Variants in SHC3 observed in about 807,000 individuals in gnomAD.
SHC3 encodes SHC adaptor protein 3, also known as SHC-transforming protein 3.
A neutral mutation model predicts 60.4 loss-of-function variants in SHC3; 15 were observed. That is an observed-to-expected ratio of 0.25 (90% CI 0.17 to 0.38). SHC3 has a LOEUF of 0.38. Ranked by LOEUF, SHC3 falls within the 10% of genes least tolerant of loss-of-function variation. The pLI, the probability that SHC3 is intolerant of heterozygous loss-of-function variation, is 1.00. For synonymous variants in SHC3, 294 were observed against 325.9 expected (o/e 0.90, Z 1.05); for missense variants, 677 against 786.1 (o/e 0.86, Z 1.66).
rs774739510 is a variant in SHC3, at chr9:89,013,461, C to T, written c.1771G>A (p.Glu591Lys). Reference protein sequence around the residue: ...GSELCLQQPVERKQ With the variant: ...GSELCLQQPVKRKQ ...TGCTGGCCAGGTCACTGCTTCCTCTCCACTGGCTGCTGGAGACACAGCTCA... is the reference window on the plus strand; with the variant it reads ...TGCTGGCCAGGTCACTGCTTCCTCTTCACTGGCTGCTGGAGACACAGCTCA... The change falls in exon 12 of 12, where the codon GAG becomes AAG. Residue 591 changes from glutamate to lysine, a missense_variant. Physicochemically the swap from Glu to Lys is moderately conservative, Grantham distance 56. Transcript: ENST00000375835. 2.5e-6 allele frequency: 4 copies of T among 1,612,950 alleles called. No individual in the cohort carries two copies. Among genetic ancestry groups the T allele is most frequent in the South Asian group, 2.2e-5 (2 of 90,940 alleles).
chr9:89,056,391 C>T (rs1431364222), intron 6 of SHC3, among the ~76,000 whole-genome samples: 3 of 152,138 alleles, frequency 2.0e-5, no homozygotes, highest in South Asian at 2.1e-4. Flanking sequence ...GGATTACGGG[C>T]ACCCACCACC....
chr9:89,084,938 C>G (rs961671485), intron 2 of SHC3, among the ~76,000 whole-genome samples: 1 of 152,214 alleles, frequency 6.6e-6, no homozygotes, highest in Non-Finnish European at 1.5e-5. Flanking sequence ...AGTGTGGAAT[C>G]TAGAGACCCA....
chr9:89,045,522 G>A (rs1409288446), intron 9 of SHC3, among the ~76,000 whole-genome samples: 5 of 152,016 alleles, frequency 3.3e-5, no homozygotes, highest in South Asian at 2.1e-4. Context: ...TGATTGTCCC[G>A]CCTCAGCTTC....
chr9:89,080,757 AT>A (rs1564127034), intron 2 of SHC3, among the ~76,000 whole-genome samples: 2 of 122,368 alleles, frequency 1.6e-5, no homozygotes, highest in Admixed American at 1.6e-4. Context: ...ATATATATAT[AT>A]GTATGTATAC....
chr9:89,019,994 C>T (rs550638782), intron 11 of SHC3, among the ~76,000 whole-genome samples: 36 of 152,278 alleles, frequency 2.4e-4, no homozygotes, highest in Admixed American at 1.3e-3. Flanking sequence ...AACAAGGGCA[C>T]TTTGGAGCCT....
intron 2 of SHC3, among the ~76,000 whole-genome samples, chr9:89,111,978 T>C (rs1825953868): frequency 6.6e-6 from 1 of 152,114 alleles, no homozygotes; most frequent in Admixed American, 6.5e-5. Context: ...TATATTAGAG[T>C]ATAAGATTTT....
At chr9:89,047,076 T>G (rs1824787404) in intron 7 of SHC3, 82 bp from the exon 8 acceptor site, 4 of 1,413,038 alleles carry the variant, frequency 2.8e-6, no homozygotes, top group Non-Finnish European at 3.7e-6. Flanking sequence ...TAGCGCCTGT[T>G]ATTAAGAAAA....
At chr9:89,143,963 G>A (rs1050610580) in intron 1 of SHC3, among the ~76,000 whole-genome samples, 1 of 152,178 alleles carries the variant, frequency 6.6e-6, no homozygotes, top group Admixed American at 6.5e-5. Context: ...GGGGGCCTTA[G>A]GGTGGTGGTG....
At chr9:89,089,385 T>C (rs1052860476) in intron 2 of SHC3, among the ~76,000 whole-genome samples, 10 of 152,146 alleles carry the variant, frequency 6.6e-5, no homozygotes, top group African/African-American at 2.4e-4. Context: ...TTAGGTGCCA[T>C]GTGCAACGCT....
Position 89,043,778 on chromosome 9 carries a change from G to A in SHC3, c.1202-1594C>T, listed in dbSNP as rs549892617. On this transcript the variant is annotated intron_variant, in intron 9 of 11. Coordinates refer to ENST00000375835, the MANE Select transcript of SHC3 (RefSeq NM_016848.6). ...AGCAATTCTCCTGCCTCAGCCTCCC[G>A]AGTAGCTAGGATTACAGGTGCCCAC... Among the ~76,000 whole-genome samples, 91 of 151,820 alleles carry A rather than the reference G, an allele frequency of 6.0e-4. No homozygotes were observed. In the South Asian group the frequency reaches 0.01, roughly 17 times the overall value.
intron 1 of SHC3, among the ~76,000 whole-genome samples, chr9:89,114,047 C>T (rs1825987920): frequency 6.6e-6 from 1 of 152,116 alleles, no homozygotes; most frequent in Non-Finnish European, 1.5e-5. Flanking sequence ...ACGTGAAAAC[C>T]ACCACCTATG....
chr9:89,025,839 C>T (rs530811603), intron 11 of SHC3, among the ~76,000 whole-genome samples: 43 of 152,352 alleles, frequency 2.8e-4, no homozygotes, highest in African/African-American at 1.0e-3. Flanking sequence ...CCCTGCAAAG[C>T]TGTCTCTTGT....
chr9:89,028,931 CT>C (rs201973493), intron 11 of SHC3, among the ~76,000 whole-genome samples: 6,312 of 147,144 alleles, frequency 0.043, 170 homozygotes, highest in Middle Eastern at 0.065. Context: ...AGTTTTTTAA[CT>C]TTTTTTTCTG....
chr9:89,064,949 G>A (rs1397029796), intron 6 of SHC3, among the ~76,000 whole-genome samples: 1 of 152,106 alleles, frequency 6.6e-6, no homozygotes, highest in Non-Finnish European at 1.5e-5. Flanking sequence ...GCTGTGGTGT[G>A]GTGCATCAAT....
At chr9:89,029,041 A>G (rs1236276125) in intron 11 of SHC3, among the ~76,000 whole-genome samples, 1 of 151,002 alleles carries the variant, frequency 6.6e-6, no homozygotes, top group African/African-American at 2.4e-5. Context: ...TCTAGATTAT[A>G]TCTATATTAT....
At chr9:89,104,754 C>G (rs1310678245) in intron 2 of SHC3, among the ~76,000 whole-genome samples, 1 of 152,188 alleles carries the variant, frequency 6.6e-6, no homozygotes, top group Non-Finnish European at 1.5e-5. Context: ...TTTATCTATC[C>G]TCTCACCCTC....
chr9:89,067,974 T>C (rs1428919688), intron 5 of SHC3, among the ~76,000 whole-genome samples: 2 of 152,228 alleles, frequency 1.3e-5, no homozygotes, highest in Admixed American at 6.5e-5. Flanking sequence ...ACGTTCTTAC[T>C]CTGGCTCAAA....
Position 89,171,838 on chromosome 9 carries a change from T to G in SHC3, c.474+6149A>C, listed in dbSNP as rs190501351. Among the ~76,000 whole-genome samples, 226 of 152,280 alleles carry G rather than the reference T, an allele frequency of 1.5e-3. 1 individual carries two copies. The highest frequency in any genetic ancestry group is 6.8e-3 in the Middle Eastern group (2 of 294). On this transcript the variant is annotated intron_variant, in intron 1 of 11. Transcript: ENST00000375835. ...GGGCTCATGGCTAGAAACCCAAATC[T>G]TCACTAGATGGCAGTGGTATCTGCC...
At chr9:89,039,378 T>G (rs1217466959) in intron 10 of SHC3, among the ~76,000 whole-genome samples, 1 of 152,248 alleles carries the variant, frequency 6.6e-6, no homozygotes, top group African/African-American at 2.4e-5. Context: ...TTGATGCTTA[T>G]TAATCTTTGA....
Sources: allele counts gnomAD v4.1 joint callset (sites outside exome capture counted in the v4.1 genomes callset), GRCh38; gene constraint gnomAD v4.1.1; transcripts MANE v1.5; gene names NCBI Gene and HGNC (gene_info 2026-07-23, HGNC 2026-07-21).